Variants in FBXO28 observed in about 807,000 individuals in gnomAD.
FBXO28 encodes the protein F-box only protein 28.
Under a neutral mutation model 38.1 loss-of-function variants are expected in FBXO28, and 8 were observed. That is an observed-to-expected ratio of 0.21 (90% CI 0.12 to 0.38). FBXO28 has a LOEUF of 0.38. Among genes scored for constraint, FBXO28 ranks in the 10% least tolerant of loss-of-function variants. The probability of loss-of-function intolerance (pLI) is 1.00; values close to 1 mark genes in which losing one functional copy is unlikely to be tolerated. For missense variants in FBXO28, 345 were observed against 460.6 expected (o/e 0.75, Z 2.30); for synonymous variants, 168 against 173.8 (o/e 0.97, Z 0.26).
In FBXO28 at chr1:224,159,742, A is replaced by G. The variant is rs2102640096; in HGVS notation, c.*1996A>G. On this transcript the variant is annotated 3_prime_UTR_variant, in exon 5 of 5. Coordinates refer to ENST00000366862, the MANE Select transcript of FBXO28 (RefSeq NM_015176.4). ...TTTACGTATCAAAGCATGTGTTTAC[A>G]GATTTACAGAGTGTGATCCGTATGC... 1 of 152,228 alleles carries G rather than the reference A, an allele frequency of 6.6e-6. No individual in the cohort carries two copies. Among genetic ancestry groups the G allele is most frequent in the Middle Eastern group, 3.4e-3 (1 of 294 alleles). The allele number at this position is 152,228 out of a possible 1,614,324, so 9.4% of individuals were successfully genotyped here. A position where few individuals can be genotyped will look rare whatever the true frequency, so the allele number is the denominator to read the frequency against.
intron 1 of FBXO28, among the ~76,000 whole-genome samples, chr1:224,117,887 T>C (rs941103998): frequency 2.6e-5 from 4 of 152,194 alleles, no homozygotes; most frequent in Non-Finnish European, 4.4e-5. Flanking sequence ...CACACGCCTG[T>C]AATCCCAGCT....
chr1:224,124,642 T>C (rs577875733), intron 1 of FBXO28, among the ~76,000 whole-genome samples: 1 of 152,324 alleles, frequency 6.6e-6, no homozygotes, highest in African/African-American at 2.4e-5. Flanking sequence ...TTAAACTGCT[T>C]GTCCTGGGGA....
chr1:224,139,154 A>C (rs937887261), intron 3 of FBXO28, among the ~76,000 whole-genome samples: 6 of 151,874 alleles, frequency 4.0e-5, no homozygotes, highest in Middle Eastern at 3.4e-3. Context: ...AATGGTCCCC[A>C]AAAATTAGGG....
intron 3 of FBXO28, among the ~76,000 whole-genome samples, chr1:224,146,702 A>ATTTTTTTTTT (rs5781350): frequency 9.1e-6 from 1 of 110,322 alleles, no homozygotes; most frequent in African/African-American, 3.6e-5. Context: ...TAAAACTAAA[A>ATTTTTTTTTT]TTTTTTTTTT....
intron 3 of FBXO28, among the ~76,000 whole-genome samples, chr1:224,141,074 C>T (rs1209041100): frequency 6.6e-6 from 1 of 151,850 alleles, no homozygotes; most frequent in African/African-American, 2.4e-5. Context: ...CCCAGCTACT[C>T]ATGAGGCTGA....
At chr1:224,154,459 T>A (rs186390410) in intron 4 of FBXO28, among the ~76,000 whole-genome samples, 8 of 146,266 alleles carry the variant, frequency 5.5e-5, no homozygotes, top group African/African-American at 1.8e-4. Flanking sequence ...TCACCTGAGG[T>A]CAGGAGTTCA....
chr1:224,141,155 C>G (rs190329899), intron 3 of FBXO28, among the ~76,000 whole-genome samples: 9 of 151,866 alleles, frequency 5.9e-5, no homozygotes, highest in African/African-American at 2.2e-4. Flanking sequence ...GCACTCCAGC[C>G]TGGGCAAGAC....
At chr1:224,146,900 G>A (rs1342935220) in intron 3 of FBXO28, among the ~76,000 whole-genome samples, 1 of 149,494 alleles carries the variant, frequency 6.7e-6, no homozygotes, top group Admixed American at 6.7e-5. Flanking sequence ...TAGAGACAGG[G>A]TTTCACCATA....
At chr1:224,135,963 A>C (rs920995167) in intron 3 of FBXO28, among the ~76,000 whole-genome samples, 1 of 152,072 alleles carries the variant, frequency 6.6e-6, no homozygotes, top group Non-Finnish European at 1.5e-5. Context: ...TGAACCAGGC[A>C]GTCAGAGGTT....
intron 3 of FBXO28, among the ~76,000 whole-genome samples, chr1:224,146,741 T>C (rs1459249057): frequency 1.4e-5 from 2 of 139,678 alleles, no homozygotes; most frequent in African/African-American, 5.4e-5. Context: ...TGAGTCTTGC[T>C]GTGTCGCCCA....
chr1:224,143,699 G>A (rs1657425596), intron 3 of FBXO28, among the ~76,000 whole-genome samples: 1 of 152,064 alleles, frequency 6.6e-6, no homozygotes, highest in Non-Finnish European at 1.5e-5. Flanking sequence ...AGCCAGGCGT[G>A]ATGGCGGGCA....
At chr1:224,150,131 C>G (rs1159081229) in intron 3 of FBXO28, among the ~76,000 whole-genome samples, 2 of 152,202 alleles carry the variant, frequency 1.3e-5, no homozygotes, top group Non-Finnish European at 2.9e-5. Context: ...TGAGACCAGC[C>G]TGGCCAACAT....
rs1301793283 is a variant in FBXO28 at position 224,159,892 on chromosome 1, A to T, written c.*2146A>T. The T allele has an allele frequency of 6.6e-6, 1 of 152,164 alleles. No individual in the cohort carries two copies. The highest frequency in any genetic ancestry group is 2.4e-5 in the African/African-American group (1 of 41,448). The allele number at this position is 152,164 out of a possible 1,614,324, so 9.4% of individuals were successfully genotyped here. A position where few individuals can be genotyped will look rare whatever the true frequency, so the allele number is the denominator to read the frequency against. ...CATCTATGTAGTCTTCCATTAGTTA[A>T]CATGTGTATAGGGCTTTCATAATAA... On this transcript the variant is annotated 3_prime_UTR_variant, in exon 5 of 5. Transcript: ENST00000366862.
intron 1 of FBXO28, among the ~76,000 whole-genome samples, chr1:224,125,826 A>G (rs2102613521): frequency 6.6e-6 from 1 of 152,026 alleles, no homozygotes; most frequent in Non-Finnish European, 1.5e-5. Context: ...TTGGGGGTTC[A>G]CCACGTTGGC....
At chr1:224,133,722 C>T (rs1270718074) in intron 2 of FBXO28, among the ~76,000 whole-genome samples, 1 of 151,744 alleles carries the variant, frequency 6.6e-6, no homozygotes, top group African/African-American at 2.4e-5. Flanking sequence ...TGTTGCCCAG[C>T]CTGGTCTCAA....
intron 1 of FBXO28, among the ~76,000 whole-genome samples, chr1:224,117,230 C>G (rs889343436): frequency 2.8e-5 from 4 of 141,946 alleles, no homozygotes; most frequent in Non-Finnish European, 4.5e-5. Context: ...GCAGTGGTGC[C>G]ATCTTGGCTC....
Position 224,153,261 on chromosome 1 carries a change from T to A in FBXO28, c.636T>A (p.Asp212Glu). The A allele has an allele frequency of 6.2e-7, 1 of 1,611,692 alleles. No homozygotes were observed. The highest frequency in any genetic ancestry group is 8.5e-7 in the Non-Finnish European group (1 of 1,179,134). The change falls in exon 4 of 5, where the codon GAT (aspartate) becomes GAA (glutamate). Residue 212 changes from aspartate (D) to glutamate (E), a missense_variant. This residue lies in a region of FBXO28 where 7 missense variants were observed against 31.3 expected (regional missense o/e 0.22). Coordinates refer to ENST00000366862, the MANE Select transcript of FBXO28 (RefSeq NM_015176.4). ...DISSMAMEYFDEKIVPILKRK... is the reference protein window; with the variant it reads ...DISSMAMEYFEEKIVPILKRK... ...CCTCTATGGCAATGGAGTACTTTGATGAAAAGATTGTTCCAATTTTAAAGA... is the reference window on the plus strand; with the variant it reads ...CCTCTATGGCAATGGAGTACTTTGAAGAAAAGATTGTTCCAATTTTAAAGA...
At chr1:224,133,294 G>A (rs890958775) in intron 2 of FBXO28, among the ~76,000 whole-genome samples, 1 of 152,110 alleles carries the variant, frequency 6.6e-6, no homozygotes, top group African/African-American at 2.4e-5. Flanking sequence ...AGTGGTGATA[G>A]TTGTACAATC....
At chr1:224,114,557 C>T (rs989991525) in intron 1 of FBXO28, among the ~76,000 whole-genome samples, 161 bp downstream of exon 1, 1 of 99,318 alleles carries the variant, frequency 1.0e-5, no homozygotes, top group Non-Finnish European at 2.2e-5. Context: ...TGGCGTCAGT[C>T]AGCAGGAGTG....
Sources: gnomAD v4.1 joint callset for allele counts (sites outside exome capture counted in the v4.1 genomes callset) on GRCh38, gnomAD v4.1.1 for gene constraint, gnomAD v4.1.1 regional missense constraint, MANE v1.5 for transcripts, NCBI Gene and HGNC (gene_info 2026-07-23, HGNC 2026-07-21) for gene names.